The following HDAC9 variants were observed in gnomAD, a reference collection of about 807,000 sequenced individuals.
HDAC9 encodes the protein MEF-2 interacting transcription repressor (MITR) protein.
HDAC9 carries 41 observed loss-of-function variants against 139.4 expected under a neutral mutation model. The observed-to-expected ratio is 0.29, with a 90% confidence interval of 0.23 to 0.38. The LOEUF (loss-of-function observed/expected upper bound fraction) is 0.38. Ranked by LOEUF, HDAC9 falls within the 10% of genes least tolerant of loss-of-function variation. The probability of loss-of-function intolerance (pLI) is 1.00; values close to 1 mark genes in which losing one functional copy is unlikely to be tolerated. For synonymous variants in HDAC9, 517 were observed against 476.2 expected (o/e 1.09, Z -1.12); for missense variants, 1,147 against 1,297.0 (o/e 0.88, Z 1.78).
intron 6 of HDAC9, among the ~76,000 whole-genome samples, chr7:18,625,875 C>T (rs1249011860): frequency 1.6e-5 from 2 of 128,054 alleles, no homozygotes; most frequent in South Asian, 2.7e-4. Flanking sequence ...ACCCAGGAGG[C>T]GGAGGTTGCA....
At chr7:18,443,880 A>C (rs1307432552) in intron 1 of HDAC9, among the ~76,000 whole-genome samples, 1 of 151,754 alleles carries the variant, frequency 6.6e-6, no homozygotes, top group East Asian at 1.9e-4. Flanking sequence ...ATACATTTGT[A>C]TAACATTTGT....
At chr7:18,810,411 C>G (rs1400155481) in intron 17 of HDAC9, among the ~76,000 whole-genome samples, 2 of 151,816 alleles carry the variant, frequency 1.3e-5, no homozygotes, top group Non-Finnish European at 3.0e-5. Flanking sequence ...ATTCTGCTTA[C>G]CACAACCAGT....
chr7:18,138,033 G>A (rs949685262), intron 1 of HDAC9, among the ~76,000 whole-genome samples: 2 of 152,078 alleles, frequency 1.3e-5, no homozygotes, highest in African/African-American at 4.8e-5. Context: ...TTTAGTCTTG[G>A]GAGAGTGTAT....
intron 1 of HDAC9, among the ~76,000 whole-genome samples, chr7:18,417,315 T>A (rs1049763784): frequency 1.3e-5 from 2 of 152,226 alleles, no homozygotes; most frequent in African/African-American, 4.8e-5. Flanking sequence ...ACTTAACGTT[T>A]TAAACATGTA....
At chr7:18,892,386 A>T (rs1444688968) in intron 22 of HDAC9, among the ~76,000 whole-genome samples, 1 of 152,208 alleles carries the variant, frequency 6.6e-6, no homozygotes, top group Non-Finnish European at 1.5e-5. Context: ...TTTATAGATG[A>T]AGAAACTAAA....
chr7:18,294,602 C>G (rs1322268182), intron 1 of HDAC9, among the ~76,000 whole-genome samples: 1 of 152,012 alleles, frequency 6.6e-6, no homozygotes. Flanking sequence ...GGGGAAGTTG[C>G]TTAGAGGTAC....
chr7:18,285,697 T>C (rs769690832), upstream of HDAC9, among the ~76,000 whole-genome samples: 1 of 151,982 alleles, frequency 6.6e-6, no homozygotes, highest in Non-Finnish European at 1.5e-5. Flanking sequence ...TGAAGTTGAG[T>C]GTTATGTCTT....
At chr7:18,303,217 A>G (rs1798659819) in intron 1 of HDAC9, among the ~76,000 whole-genome samples, 1 of 152,012 alleles carries the variant, frequency 6.6e-6, no homozygotes, top group Non-Finnish European at 1.5e-5. Flanking sequence ...TAGTTATGGA[A>G]TAAGACTCTT....
chr7:18,919,734 A>T (rs1233465512), intron 22 of HDAC9, among the ~76,000 whole-genome samples: 2 of 151,978 alleles, frequency 1.3e-5, no homozygotes, highest in African/African-American at 4.8e-5. Context: ...ACTATTATTT[A>T]TCTTGTTGAT....
chr7:18,511,973 A>G (rs1801654148), intron 2 of HDAC9, among the ~76,000 whole-genome samples: 1 of 151,870 alleles, frequency 6.6e-6, no homozygotes, highest in African/African-American at 2.4e-5. Flanking sequence ...GGTTAAAGGA[A>G]AAAAGTCTAT....
At chr7:18,509,008 G>A (rs1040076391) in intron 2 of HDAC9, among the ~76,000 whole-genome samples, 3 of 152,186 alleles carry the variant, frequency 2.0e-5, no homozygotes, top group Admixed American at 6.5e-5. Flanking sequence ...CAAAAAAATA[G>A]TTGTATAAGG....
chr7:18,559,297 C>T (rs112436881), intron 2 of HDAC9, among the ~76,000 whole-genome samples: 26 of 152,296 alleles, frequency 1.7e-4, no homozygotes, highest in Admixed American at 8.5e-4. Flanking sequence ...CACACACCTT[C>T]GTCCTGCTGA....
rs148383787 is a variant in HDAC9, at chr7:18,519,821, TA to T, written c.22+23499del. On this transcript the variant is annotated intron_variant, in intron 2 of 25. Transcript: ENST00000686413. ...TATTTATCAGCAGTTTTATTTATAA[TA>T]ATGGAAAACTGAGGGCAATCTAACT... is the stretch of plus-strand genomic sequence containing the variant. Among the ~76,000 whole-genome samples, 1,199 of 152,248 alleles carry T rather than the reference TA, an allele frequency of 7.9e-3. 16 individuals are homozygous for T. Among genetic ancestry groups the T allele is most frequent in the African/African-American group, 0.027 (1,136 of 41,566 alleles).
At chr7:18,758,946 A>G (rs1789127243) in intron 14 of HDAC9, among the ~76,000 whole-genome samples, 1 of 145,468 alleles carries the variant, frequency 6.9e-6, no homozygotes, top group South Asian at 2.2e-4. Context: ...TTTTTTAAAA[A>G]TACTTTTAAT....
At chr7:18,935,494 A>G (rs973672214) in intron 22 of HDAC9, among the ~76,000 whole-genome samples, 3 of 152,168 alleles carry the variant, frequency 2.0e-5, no homozygotes, top group Admixed American at 6.5e-5. Flanking sequence ...CCTGCTGAAG[A>G]GTATTCAGTT....
intron 8 of HDAC9, among the ~76,000 whole-genome samples, chr7:18,639,251 C>T (rs1025663118): frequency 9.2e-5 from 14 of 152,150 alleles, no homozygotes; most frequent in Admixed American, 5.9e-4. Context: ...AAATGTTATG[C>T]TCCCTTCTGA....
intron 13 of HDAC9, among the ~76,000 whole-genome samples, chr7:18,732,880 TGTGCGTATGTGTACACACACAC>T (rs1786368553): frequency 9.4e-6 from 1 of 106,208 alleles, no homozygotes. Context: ...CACACACACG[TGTGCGTATGTGTACACACACAC>T]GTGTGCGTAT....
At chr7:18,246,532 C>T (rs1794544086) in intron 2 of HDAC9, among the ~76,000 whole-genome samples, 1 of 152,078 alleles carries the variant, frequency 6.6e-6, no homozygotes, top group Admixed American at 6.5e-5. Context: ...CTTCCTCAGA[C>T]TCCCGGAAAT....
At chr7:18,826,925 A>C (rs894618974) in intron 17 of HDAC9, among the ~76,000 whole-genome samples, 1 of 151,594 alleles carries the variant, frequency 6.6e-6, no homozygotes, top group African/African-American at 2.4e-5. Context: ...TCCCCATTAG[A>C]TAATTCATTT....
Sources: gnomAD v4.1 joint callset for allele counts (sites outside exome capture counted in the v4.1 genomes callset) on GRCh38, gnomAD v4.1.1 for gene constraint, MANE v1.5 for transcripts, NCBI Gene and HGNC (gene_info 2026-07-23, HGNC 2026-07-21) for gene names.